COL6A5: variants seen among roughly 807,000 people sequenced by gnomAD.
COL6A5 encodes the protein collagen type VI alpha 5 chain, also known as collagen alpha-5(VI) chain.
In COL6A5, 48 loss-of-function variants were observed where a neutral mutation model predicts 65.6. The observed-to-expected ratio is 0.73, with a 90% CI of 0.58 to 0.93. The LOEUF (loss-of-function observed/expected upper bound fraction) is 0.93. COL6A5 is among the 40% of genes least tolerant of loss of function. The pLI is 0.00. For missense variants in COL6A5, 914 were observed against 928.3 expected (o/e 0.98, Z 0.20); for synonymous variants, 291 against 322.8 (o/e 0.90, Z 1.05).
At chr3:130,401,703 C>T in intron 11 of COL6A5, 59 bp from the exon 12 acceptor site, 2 of 1,274,620 alleles carry the variant, frequency 1.6e-6, no homozygotes, top group Non-Finnish European at 2.2e-6. Context: ...GAGTACAATT[C>T]TTATGGAATA....
At chr3:130,355,936 A>G (rs1488718832) in intron 1 of COL6A5, among the ~76,000 whole-genome samples, 1 of 152,188 alleles carries the variant, frequency 6.6e-6, no homozygotes, top group East Asian at 1.9e-4. Context: ...CTTATAAAAG[A>G]CATACTACCC....
Position 130,398,133 on chromosome 3 carries a change from T to G in COL6A5, c.3991+22T>G, listed in dbSNP as rs765653580. The G allele has an allele frequency of 1.1e-5, 15 of 1,421,926 alleles. No individual in the cohort carries two copies. The East Asian group carries it at 1.3e-4, about 12-fold the overall frequency. 88.1% of individuals were successfully genotyped at this position (1,421,926 alleles called of 1,614,324 possible). On this transcript the variant is annotated intron_variant and NMD_transcript_variant, in intron 10 of 41. Transcript: ENST00000312481. ...GCAGGTATTGAGTTGTTGTTGTTTTTTTTTTTTTTTTTTTTGAGATGGAGT... is the reference window on the plus strand; with the variant it reads ...GCAGGTATTGAGTTGTTGTTGTTTTGTTTTTTTTTTTTTTTGAGATGGAGT...
intron 4 of COL6A5, 116 bp from the exon 37 acceptor site, chr3:130,455,339 T>C: frequency 1.6e-6 from 1 of 623,258 alleles, no homozygotes; most frequent in Non-Finnish European, 2.8e-6. Flanking sequence ...ATTTATATTT[T>C]CACCACCCAA....
At chr3:130,423,759 G>T in intron 28 of COL6A5, 79 bp from the exon 29 acceptor site, 1 of 1,127,756 alleles carries the variant, frequency 8.9e-7, no homozygotes, top group Non-Finnish European at 1.3e-6. Context: ...TTTAAAATTA[G>T]AAAGTCTTAT....
chr3:130,400,691 C>A (rs1424814560), intron 10 of COL6A5, among the ~76,000 whole-genome samples: 1 of 152,226 alleles, frequency 6.6e-6, no homozygotes, highest in Non-Finnish European at 1.5e-5. Context: ...TCTTAAAAAT[C>A]ACTTTCCCGT....
rs1426152426 is a variant in COL6A5, at chr3:130,477,114, T to C, written c.2328+6147T>C. The C allele has an allele frequency of 2.1e-6, 3 of 1,445,530 alleles. No homozygotes were observed. The African/African-American group carries it at 4.2e-5, about 20-fold the overall frequency. 89.5% of individuals were successfully genotyped at this position (1,445,530 alleles called of 1,614,324 possible). ...AATTAATCCAATACTTTCGTCATAGTGATTCATACTCTATGTTTATAGAAC... is the reference window on the plus strand; with the variant it reads ...AATTAATCCAATACTTTCGTCATAGCGATTCATACTCTATGTTTATAGAAC... On this transcript the variant is annotated intron_variant, in intron 7 of 7. Coordinates refer to ENST00000512836, the Ensembl canonical transcript of COL6A5.
intron 5 of COL6A5, among the ~76,000 whole-genome samples, chr3:130,387,114 T>G (rs780532462): frequency 6.6e-6 from 1 of 152,052 alleles, no homozygotes; most frequent in East Asian, 1.9e-4. Flanking sequence ...CCAGTTCTTA[T>G]CACCTTCCAT....
intron 4 of COL6A5, among the ~76,000 whole-genome samples, chr3:130,453,464 A>C (rs985859095): frequency 6.6e-6 from 1 of 152,114 alleles, no homozygotes; most frequent in South Asian, 2.1e-4. Context: ...CTGCTGAGGC[A>C]CTTATTACGG....
chr3:130,348,399 T>C (rs1359131010), intron 1 of COL6A5, among the ~76,000 whole-genome samples: 1 of 152,218 alleles, frequency 6.6e-6, no homozygotes, highest in African/African-American at 2.4e-5. Context: ...TTGTGTTAGT[T>C]TGCTGAGGAT....
intron 3 of COL6A5, 62 bp downstream of exon 3, chr3:130,376,898 T>G (rs1250132377): frequency 6.8e-7 from 1 of 1,473,830 alleles, no homozygotes; most frequent in Non-Finnish European, 9.0e-7. Flanking sequence ...CTGTCCACTC[T>G]CACCTCTTGC....
chr3:130,351,284 A>G (rs1425028359), intron 1 of COL6A5, among the ~76,000 whole-genome samples: 2 of 152,260 alleles, frequency 1.3e-5, no homozygotes, highest in Middle Eastern at 3.2e-3. Context: ...CACCAAAAGC[A>G]ATGGCAACAA....
intron 7 of COL6A5, among the ~76,000 whole-genome samples, chr3:130,478,768 C>G (rs1710161045): frequency 6.6e-6 from 1 of 151,988 alleles, no homozygotes; most frequent in Non-Finnish European, 1.5e-5. Flanking sequence ...GCACCATAAA[C>G]CCAAGTAAGG....
chr3:130,415,388 G>T (rs150049165), intron 22 of COL6A5, among the ~76,000 whole-genome samples: 1 of 151,924 alleles, frequency 6.6e-6, no homozygotes, highest in Admixed American at 6.6e-5. Context: ...TTCATTTCCC[G>T]CTTTGGCCTA....
At chr3:130,460,003 C>T (rs1709667404) in intron 5 of COL6A5, among the ~76,000 whole-genome samples, 1 of 151,802 alleles carries the variant, frequency 6.6e-6, no homozygotes, top group Non-Finnish European at 1.5e-5. Flanking sequence ...TGTATTTGAC[C>T]ATTTACTTTT....
intron 1 of COL6A5, among the ~76,000 whole-genome samples, chr3:130,432,547 CAAA>C (rs112983846): frequency 3.2e-4 from 41 of 129,146 alleles, no homozygotes; most frequent in African/African-American, 3.2e-4. Context: ...AAGACTCTGT[CAAA>C]AAAAAAAAAA....
chr3:130,448,057 C>T (rs1709348194), intron 4 of COL6A5, among the ~76,000 whole-genome samples: 1 of 152,172 alleles, frequency 6.6e-6, no homozygotes, highest in Non-Finnish European at 1.5e-5. Context: ...AAAGGAACTA[C>T]AATTACATTT....
chr3:130,389,779 T>A (rs1221077470), intron 6 of COL6A5, among the ~76,000 whole-genome samples: 2 of 152,150 alleles, frequency 1.3e-5, no homozygotes, highest in African/African-American at 4.8e-5. Context: ...CAACCTTCAG[T>A]TTGAGCCTAT....
intron 11 of COL6A5, among the ~76,000 whole-genome samples, 178 bp from the exon 12 acceptor site, chr3:130,401,584 G>A (rs1022093032): frequency 6.6e-6 from 1 of 152,220 alleles, no homozygotes; most frequent in African/African-American, 2.4e-5. Context: ...CCAATGCAGT[G>A]CCTGGTACCT....
rs531973093 is a variant in COL6A5, at chr3:130,472,074, G to C, written c.2328+1107G>C. The C allele has an allele frequency of 1.2e-5, 10 of 849,068 alleles. No homozygotes were observed. The African/African-American group carries it at 1.2e-4, about 10-fold the overall frequency. The allele number at this position is 849,068 out of a possible 1,614,324, so 52.6% of individuals were successfully genotyped here. A position where few individuals can be genotyped will look rare whatever the true frequency, so the allele number is the denominator to read the frequency against. On this transcript the variant is annotated intron_variant, in intron 7 of 7. Coordinates refer to ENST00000512836, the Ensembl canonical transcript of COL6A5. The stretch of plus-strand genomic sequence containing the variant: ...GGGGCTTATCGTCTAAGGATCCAAG[G>C]GAGATAAAACTTCAGAAAGGCAAAA...
Sources: gnomAD v4.1 joint callset for allele counts (sites outside exome capture counted in the v4.1 genomes callset) on GRCh38, gnomAD v4.1.1 for gene constraint, MANE v1.5 for transcripts, NCBI Gene and HGNC (gene_info 2026-07-23, HGNC 2026-07-21) for gene names.